Variants in POC1B observed in about 807,000 individuals in gnomAD.
POC1B encodes POC1 centriolar protein homolog B.
POC1B carries 44 observed loss-of-function variants against 60.6 expected under a neutral mutation model. The ratio of observed to expected loss-of-function variants is 0.73; its 90% CI spans 0.57 to 0.93. The LOEUF (loss-of-function observed/expected upper bound fraction) is 0.93. Ranked by LOEUF, POC1B falls within the 40% of genes least tolerant of loss-of-function variation. POC1B has a pLI of 0.00. For synonymous variants in POC1B, 180 were observed against 198.9 expected, an observed-to-expected ratio of 0.90 and a Z score of 0.80; for missense variants, 555 against 572.3, an observed-to-expected ratio of 0.97 and a Z score of 0.31.
At chr12:89,438,444 G>A (rs1034533819) in intron 10 of POC1B, among the ~76,000 whole-genome samples, 4 of 152,244 alleles carry the variant, frequency 2.6e-5, no homozygotes, top group Non-Finnish European at 4.4e-5. Flanking sequence ...GTGAAAGAGC[G>A]AGACTCCGTC....
In POC1B at chr12:89,523,097, A is replaced by G. The variant is rs374202951; in HGVS notation, c.100+2023T>C. On this transcript the variant is annotated intron_variant, in intron 2 of 11. Transcript: ENST00000313546. ...TCTTTGTTTGAAGTATATTCAAAGAATTGATTGCCTCCTTGACCATGGCAT... is the reference window on the plus strand; with the variant it reads ...TCTTTGTTTGAAGTATATTCAAAGAGTTGATTGCCTCCTTGACCATGGCAT... 3 of 1,613,826 alleles carry G rather than the reference A, an allele frequency of 1.9e-6. No individual in the cohort carries two copies. In the African/African-American group the frequency reaches 4.0e-5, roughly 22 times the overall value.
intron 2 of POC1B, among the ~76,000 whole-genome samples, chr12:89,498,584 C>T (rs79069245): frequency 0.011 from 1,684 of 152,300 alleles, 30 homozygotes; most frequent in African/African-American, 0.039. Flanking sequence ...TTGGGCTCAG[C>T]CCATGCATTA....
intron 8 of POC1B, 136 bp from the exon 9 acceptor site, chr12:89,467,058 T>A (rs1592606276): frequency 1.7e-6 from 1 of 588,212 alleles, no homozygotes; most frequent in East Asian, 3.2e-5. Context: ...ATGTTACTAT[T>A]TCTCAATATC....
chr12:89,520,744 A>G (rs1327635710), intron 2 of POC1B: 1 of 152,228 alleles, frequency 6.6e-6, no homozygotes, highest in African/African-American at 2.4e-5. Context: ...CAAGTCATCA[A>G]GTGAACACTA....
chr12:89,479,954 A>T (rs556844579), intron 4 of POC1B, among the ~76,000 whole-genome samples: 3 of 152,312 alleles, frequency 2.0e-5, no homozygotes, highest in Admixed American at 2.0e-4. Context: ...TTAACTACAT[A>T]TTAAATAGAC....
At chr12:89,482,402 T>C (rs1294581811) in intron 4 of POC1B, among the ~76,000 whole-genome samples, 1 of 151,718 alleles carries the variant, frequency 6.6e-6, no homozygotes, top group Non-Finnish European at 1.5e-5. Flanking sequence ...AGAAAGAAAT[T>C]AGGGAAGAAA....
At chr12:89,523,031 G>T in intron 2 of POC1B, 2 of 1,613,720 alleles carry the variant, frequency 1.2e-6, no homozygotes, top group Non-Finnish European at 1.7e-6. Context: ...TTTTGCTCAG[G>T]TACCTCTGCA....
chr12:89,432,201 C>G (rs566544921), intron 10 of POC1B, among the ~76,000 whole-genome samples: 2 of 151,444 alleles, frequency 1.3e-5, no homozygotes, highest in African/African-American at 4.9e-5. Flanking sequence ...CTGGGCAACA[C>G]GGTGAAACCC....
intron 10 of POC1B, among the ~76,000 whole-genome samples, chr12:89,458,105 C>A (rs1407420290): frequency 6.6e-6 from 1 of 152,032 alleles, no homozygotes; most frequent in Non-Finnish European, 1.5e-5. Context: ...AAAAGGTGGA[C>A]CAAAGATTTT....
the POC1B span, among the ~76,000 whole-genome samples, chr12:89,414,135 C>T: frequency 5.5e-4 from 83 of 152,220 alleles, no homozygotes; most frequent in African/African-American, 1.9e-3. Flanking sequence ...TCAAGTGATC[C>T]GCCCACCTCG....
chr12:89,414,205 T>G, the POC1B span, among the ~76,000 whole-genome samples: 1 of 152,154 alleles, frequency 6.6e-6, no homozygotes, highest in Non-Finnish European at 1.5e-5. Context: ...TTTTTTCTAT[T>G]CATGTATTTT....
the POC1B span, among the ~76,000 whole-genome samples, chr12:89,407,716 A>G: frequency 6.6e-6 from 1 of 152,264 alleles, no homozygotes; most frequent in Admixed American, 6.5e-5. Flanking sequence ...AGAACTGCTT[A>G]TAAGACATTT....
chr12:89,489,839 T>A (rs1263373396), intron 4 of POC1B, among the ~76,000 whole-genome samples: 1 of 152,198 alleles, frequency 6.6e-6, no homozygotes, highest in African/African-American at 2.4e-5. Context: ...TGACCCCTCC[T>A]TCTTAGTCAG....
chr12:89,419,428 T>C (rs7968787), downstream of POC1B, among the ~76,000 whole-genome samples: 1 of 152,246 alleles, frequency 6.6e-6, no homozygotes, highest in African/African-American at 2.4e-5. Context: ...TATAAAGTTC[T>C]GTGATGACTG....
rs768832815 is a variant in POC1B, at chr12:89,425,171, A to G, written c.1322T>C (p.Val441Ala). The G allele has an allele frequency of 6.2e-7, 1 of 1,614,060 alleles. No individual in the cohort carries two copies. Among genetic ancestry groups the G allele is most frequent in the Non-Finnish European group, 8.5e-7 (1 of 1,179,940 alleles). The change falls in exon 11 of 12, where the codon GTT becomes GCT. Residue 441 changes from valine (V) to alanine (A), a missense_variant. By Grantham distance (64) the Val-to-Ala change is moderately conservative. Transcript: ENST00000313546. The stretch of plus-strand genomic sequence containing the variant: ...CTGTGTCATGCCCACCTGTGTCAAA[A>G]CATTGAGTTGTTCCATAATATGCTC... ...ALEHIMEQLNVLTQTVSILEQ... is the reference protein window; with the variant it reads ...ALEHIMEQLNALTQTVSILEQ...
chr12:89,483,378 C>T (rs2135730124), intron 4 of POC1B, among the ~76,000 whole-genome samples: 1 of 152,266 alleles, frequency 6.6e-6, no homozygotes, highest in East Asian at 1.9e-4. Flanking sequence ...TCAATTAAAC[C>T]TCTCCTTTAT....
downstream of POC1B, among the ~76,000 whole-genome samples, chr12:89,418,029 T>C (rs1396403008): frequency 6.6e-6 from 1 of 152,168 alleles, no homozygotes; most frequent in East Asian, 1.9e-4. Context: ...GCGGAGTTGC[T>C]TACCAGGGGA....
At chr12:89,445,812 G>A (rs183582938) in intron 10 of POC1B, among the ~76,000 whole-genome samples, 3 of 152,280 alleles carry the variant, frequency 2.0e-5, no homozygotes, top group African/African-American at 4.8e-5. Context: ...CCATCAGAGT[G>A]AACAGGCAAC....
At chr12:89,499,924 G>A (rs1869461711) in intron 2 of POC1B, among the ~76,000 whole-genome samples, 3 of 152,228 alleles carry the variant, frequency 2.0e-5, no homozygotes, top group Admixed American at 6.5e-5. Flanking sequence ...TGTTGTTGGC[G>A]CACGCCTTCC....
Sources: allele counts gnomAD v4.1 joint callset (sites outside exome capture counted in the v4.1 genomes callset), GRCh38; gene constraint gnomAD v4.1.1; transcripts MANE v1.5; gene names NCBI Gene and HGNC (gene_info 2026-07-23, HGNC 2026-07-21).